The following FAM221A variants were observed in gnomAD, a reference collection of about 807,000 sequenced individuals.
FAM221A encodes the protein family with sequence similarity 221 member A.
Under a neutral mutation model 37.6 loss-of-function variants are expected in FAM221A, and 43 were observed. The ratio of observed to expected loss-of-function variants is 1.15; its 90% CI spans 0.90 to 1.48. The LOEUF (loss-of-function observed/expected upper bound fraction) is 1.48. Among genes scored for constraint, FAM221A ranks in the 40% most tolerant of loss-of-function variants. The probability of loss-of-function intolerance (pLI) is 0.00; values close to 1 mark genes in which losing one functional copy is unlikely to be tolerated. For synonymous variants in FAM221A, 135 were observed against 132.9 expected, an observed-to-expected ratio of 1.02 and a Z score of -0.11; for missense variants, 361 against 361.5, an observed-to-expected ratio of 1.00 and a Z score of 0.01.
intron 5 of FAM221A, among the ~76,000 whole-genome samples, 197 bp from the exon 6 acceptor site, chr7:23,700,589 T>C (rs182071206): frequency 3.9e-5 from 6 of 152,352 alleles, no homozygotes; most frequent in East Asian, 3.9e-4. Flanking sequence ...GAATGTTTGC[T>C]AGTGAAAAAC....
intron 1 of FAM221A, among the ~76,000 whole-genome samples, chr7:23,683,485 G>A (rs1296077298): frequency 6.6e-6 from 1 of 152,126 alleles, no homozygotes; most frequent in Non-Finnish European, 1.5e-5. Flanking sequence ...GTACTCTTTT[G>A]GGATACATTT....
chr7:23,698,516 G>T (rs1424794952), intron 5 of FAM221A, among the ~76,000 whole-genome samples: 7 of 152,178 alleles, frequency 4.6e-5, no homozygotes, highest in Non-Finnish European at 1.0e-4. Flanking sequence ...GAATGTCGAG[G>T]ATTCTGATAC....
intron 5 of FAM221A, 40 bp from the exon 6 acceptor site, chr7:23,700,746 A>G (rs2128052099): frequency 8.1e-7 from 1 of 1,234,032 alleles, no homozygotes; most frequent in East Asian, 2.4e-5. Context: ...GGAATATGTA[A>G]TGATATAAAT....
intron 3 of FAM221A, among the ~76,000 whole-genome samples, chr7:23,689,917 A>G (rs1008856619): frequency 6.6e-6 from 1 of 151,886 alleles, no homozygotes; most frequent in Non-Finnish European, 1.5e-5. Flanking sequence ...CCCTTACCTT[A>G]ATACCTGTAC....
intron 1 of FAM221A, among the ~76,000 whole-genome samples, chr7:23,682,915 A>C (rs1485145800): frequency 6.6e-6 from 1 of 152,192 alleles, no homozygotes; most frequent in Non-Finnish European, 1.5e-5. Flanking sequence ...ATGGCCCAAA[A>C]TTTATCTCAG....
Position 23,702,171 on chromosome 7 carries a change from T to C in FAM221A, c.*7T>C, listed in dbSNP as rs371056385. On this transcript the variant is annotated 3_prime_UTR_variant, in exon 7 of 7. Coordinates refer to ENST00000344962, the MANE Select transcript of FAM221A (RefSeq NM_199136.5). The stretch of plus-strand genomic sequence containing the variant: ...AGCTACAAAACCTTCATGAAGACTA[T>C]TGGAGAAATTAAAACCATCATCCAA... The C allele has an allele frequency of 1.1e-5, 17 of 1,560,252 alleles. No homozygotes were observed. The highest frequency in any genetic ancestry group is 3.4e-4 in the Middle Eastern group (2 of 5,932).
chr7:23,680,911 T>G (rs1191986483), intron 1 of FAM221A: 1 of 152,108 alleles, frequency 6.6e-6, no homozygotes, highest in African/African-American at 2.4e-5. Flanking sequence ...GAGGACCGCC[T>G]GAGGACGCGG....
intron 4 of FAM221A, chr7:23,692,850 T>C: frequency 1.6e-6 from 1 of 644,804 alleles, no homozygotes; most frequent in Non-Finnish European, 1.9e-6. Context: ...ATTTATTGTT[T>C]AAGAGATAGG....
Position 23,689,467 on chromosome 7 carries a change from A to T in FAM221A, c.430+8A>T. ...GCTTTACATGCAATACATGTGAGTT[A>T]TATTATTATAAACACATAAACTCAG... On this transcript the variant is annotated splice_region_variant and intron_variant, in intron 3 of 6. Coordinates refer to ENST00000344962, the MANE Select transcript of FAM221A (RefSeq NM_199136.5). The T allele has an allele frequency of 6.6e-7, 1 of 1,526,630 alleles. No individual in the cohort carries two copies. The highest frequency in any genetic ancestry group is 2.3e-5 in the East Asian group (1 of 43,692). 94.6% of individuals were successfully genotyped at this position (1,526,630 alleles called of 1,614,324 possible). A position where few individuals can be genotyped will look rare whatever the true frequency, so the allele number is the denominator to read the frequency against.
intron 6 of FAM221A, among the ~76,000 whole-genome samples, chr7:23,701,812 T>A (rs1001454583): frequency 6.6e-6 from 1 of 152,220 alleles, no homozygotes; most frequent in Non-Finnish European, 1.5e-5. Flanking sequence ...ATAGGCTGGA[T>A]GTAAGTTTAG....
chr7:23,689,634 T>C (rs1784591321), intron 3 of FAM221A, among the ~76,000 whole-genome samples, 175 bp downstream of exon 3: 2 of 152,222 alleles, frequency 1.3e-5, no homozygotes, highest in African/African-American at 4.8e-5. Context: ...GGATAGATAC[T>C]CTAAGATTTC....
At chr7:23,697,882 G>C (rs1011046814) in intron 4 of FAM221A, among the ~76,000 whole-genome samples, 1 of 151,968 alleles carries the variant, frequency 6.6e-6, no homozygotes, top group Admixed American at 6.6e-5. Flanking sequence ...CTTCCAAGTA[G>C]GTAGGGCTAC....
chr7:23,681,527 C>A (rs749353290), intron 1 of FAM221A, among the ~76,000 whole-genome samples: 1 of 152,120 alleles, frequency 6.6e-6, no homozygotes, highest in African/African-American at 2.4e-5. Flanking sequence ...TCAAGTGATT[C>A]TCCTGCCTCA....
Position 23,684,502 on chromosome 7 carries a change from T to G in FAM221A, c.69T>G (p.Ile23Met), listed in dbSNP as rs944299573. 1.9e-6 allele frequency: 3 copies of G among 1,585,564 alleles called. No individual in the cohort carries two copies. In the African/African-American group the frequency reaches 4.2e-5, roughly 22 times the overall value. The change falls in exon 2 of 7, where the codon ATT becomes ATG. Residue 23 changes from isoleucine (I) to methionine (M), a missense_variant. Ile to Met is a conservative substitution (Grantham distance 10). Transcript: ENST00000344962. Reference sequence around the variant, plus strand: ...GAAATATATATTTTTGTTGTAGAATTGTTGGTGAGGATGATGGAGGGAAAC... The same window carrying G: ...GAAATATATATTTTTGTTGTAGAATGGTTGGTGAGGATGATGGAGGGAAAC... ...AVDEYLEYRRIVGEDDGGKLF... is the reference protein window; with the variant it reads ...AVDEYLEYRRMVGEDDGGKLF...
chr7:23,690,170 C>CATATATATATATATAT (rs1175330292), intron 3 of FAM221A, among the ~76,000 whole-genome samples: 15 of 68,590 alleles, frequency 2.2e-4, no homozygotes, highest in South Asian at 9.3e-4. Flanking sequence ...TGCCTTGGTT[C>CATATATATATATATAT]ATATATATAT....
chr7:23,701,685 A>C (rs1039132990), intron 6 of FAM221A, among the ~76,000 whole-genome samples: 2 of 152,212 alleles, frequency 1.3e-5, no homozygotes, highest in African/African-American at 4.8e-5. Flanking sequence ...GACTTTCAGA[A>C]AGGTAACTGT....
chr7:23,693,653 T>G (rs547178697), intron 4 of FAM221A: 99 of 152,232 alleles, frequency 6.5e-4, no homozygotes, highest in African/African-American at 2.2e-3. Context: ...GTTTTATAAA[T>G]ATATTCTCCT....
rs371619529 is a variant in FAM221A at position 23,695,517 on chromosome 7, C to T, written c.638-2675C>T. Among the ~76,000 whole-genome samples, 16 of 152,232 alleles carry T rather than the reference C, an allele frequency of 1.1e-4. No homozygotes were observed. In the East Asian group the frequency reaches 2.7e-3, roughly 26 times the overall value. ...CCTCCTGAGTAGCTGGGATTACAGG[C>T]GCATGCCACCATGCCTGGCTAATTT... On this transcript the variant is annotated intron_variant, in intron 4 of 6. Transcript: ENST00000344962.
At chr7:23,687,137 G>T (rs937590519) in intron 2 of FAM221A, 6 of 152,186 alleles carry the variant, frequency 3.9e-5, no homozygotes, top group Admixed American at 2.6e-4. Flanking sequence ...TTTAATGACA[G>T]AATCATAGAA....
Sources: allele counts gnomAD v4.1 joint callset (sites outside exome capture counted in the v4.1 genomes callset), GRCh38; gene constraint gnomAD v4.1.1; transcripts MANE v1.5; gene names NCBI Gene and HGNC (gene_info 2026-07-23, HGNC 2026-07-21).